Variants in ATXN7L1 observed in about 807,000 individuals in gnomAD.
ATXN7L1 encodes ataxin 7 like 1.
ATXN7L1 carries 15 observed loss-of-function variants against 70.8 expected under a neutral mutation model. That is an observed-to-expected ratio of 0.21 (90% CI 0.14 to 0.33). ATXN7L1 has a LOEUF of 0.33. Among genes scored for constraint, ATXN7L1 ranks in the 10% least tolerant of loss-of-function variants. ATXN7L1 has a pLI of 1.00. For missense variants in ATXN7L1, 975 were observed against 1,097.1 expected (o/e 0.89, Z 1.57); for synonymous variants, 440 against 445.1 (o/e 0.99, Z 0.14).
chr7:105,640,652 G>A (rs1268750742), intron 5 of ATXN7L1, among the ~76,000 whole-genome samples: 3 of 152,226 alleles, frequency 2.0e-5, no homozygotes, highest in African/African-American at 2.4e-5. Context: ...AACCTCCTGA[G>A]TAGCTGGAAC....
At chr7:105,850,958 C>T (rs117719336) in intron 2 of ATXN7L1, among the ~76,000 whole-genome samples, 2,822 of 152,206 alleles carry the variant, frequency 0.019, 36 homozygotes, top group South Asian at 0.03. Context: ...CCTGCTGCCC[C>T]GCTTCCTTAT....
chr7:105,856,388 C>T (rs1815727061), intron 2 of ATXN7L1, among the ~76,000 whole-genome samples: 1 of 152,080 alleles, frequency 6.6e-6, no homozygotes, highest in African/African-American at 2.4e-5. Context: ...GAGTTCAAGA[C>T]CAGCCTGGCC....
chr7:105,644,399 C>T (rs534545845), intron 4 of ATXN7L1, among the ~76,000 whole-genome samples: 2 of 152,268 alleles, frequency 1.3e-5, no homozygotes, highest in Admixed American at 6.5e-5. Flanking sequence ...TGGACATTAC[C>T]GACTTCTCCC....
At chr7:105,744,573 C>G (rs1040953837) in intron 3 of ATXN7L1, among the ~76,000 whole-genome samples, 2 of 152,004 alleles carry the variant, frequency 1.3e-5, no homozygotes. Context: ...AAAAAGCCTT[C>G]CACCCACAAA....
Position 105,614,876 on chromosome 7 carries a change from A to T in ATXN7L1, c.1518-60T>A, listed in dbSNP as rs1234799612. 1.3e-6 allele frequency: 2 copies of T among 1,497,728 alleles called. No individual in the cohort carries two copies. The highest frequency in any genetic ancestry group is 4.9e-5 in the East Asian group (2 of 40,438). 92.8% of individuals were successfully genotyped at this position (1,497,728 alleles called of 1,614,324 possible). The stretch of plus-strand genomic sequence containing the variant: ...AGACATCGGGTTGGCATTGCTCAGG[A>T]GGCTCGATGACGTTTGAGGATCAGG... On this transcript the variant is annotated intron_variant, in intron 9 of 11. Coordinates refer to ENST00000419735, the MANE Select transcript of ATXN7L1 (RefSeq NM_020725.2). This position sits in a 1 kb window ranked among gnomAD's most constrained non-coding sequence, Gnocchi z 4.3.
At chr7:105,733,724 A>G (rs1796983972) in intron 3 of ATXN7L1, among the ~76,000 whole-genome samples, 1 of 137,556 alleles carries the variant, frequency 7.3e-6, no homozygotes, top group African/African-American at 2.7e-5. Flanking sequence ...CCATCCATCC[A>G]TCCTTCCATC....
rs572529579 is a variant in ATXN7L1, at chr7:105,843,446, C to G, written c.250+32366G>C. ...AGATCCATCTAGGAAGCTAAGTGAG[C>G]GGATGGCCCCAAATGCCAGCCAATG... is the stretch of plus-strand genomic sequence containing the variant. On this transcript the variant is annotated intron_variant, in intron 2 of 11. Transcript: ENST00000419735. Among the ~76,000 whole-genome samples the G allele has an allele frequency of 5.3e-5, 8 of 152,342 alleles. No individual in the cohort carries two copies. The South Asian group carries it at 1.2e-3, about 24-fold the overall frequency.
At position 105,706,940 on chromosome 7, in the gene ATXN7L1, T is replaced by C. The variant is rs568869592; in HGVS notation, c.356-41652A>G. On this transcript the variant is annotated intron_variant, in intron 3 of 11. Coordinates refer to ENST00000419735, the MANE Select transcript of ATXN7L1 (RefSeq NM_020725.2). ...ATGCCATTGTACAATGGCAAATAGT[T>C]AGGTTTTCTTTGTGCTTTTATCAGT... Among the ~76,000 whole-genome samples, 11 of 152,294 alleles carry C rather than the reference T, an allele frequency of 7.2e-5. No individual in the cohort carries two copies. In the South Asian group the frequency reaches 2.3e-3, roughly 32 times the overall value.
In ATXN7L1 at chr7:105,744,345, C is replaced by T. The variant is rs527279937; in HGVS notation, c.355+44259G>A. Among the ~76,000 whole-genome samples, 13 of 152,254 alleles carry T rather than the reference C, an allele frequency of 8.5e-5. No individual in the cohort carries two copies. In the East Asian group the frequency reaches 1.3e-3, roughly 16 times the overall value. ...CTAAATGGTTGTGGGAGACTAAATC[C>T]GCTAGGGAGAGAGTCCCTTATCTTG... On this transcript the variant is annotated intron_variant, in intron 3 of 11. Coordinates refer to ENST00000419735, the MANE Select transcript of ATXN7L1 (RefSeq NM_020725.2).
intron 3 of ATXN7L1, among the ~76,000 whole-genome samples, chr7:105,699,687 G>C (rs935121223): frequency 2.6e-5 from 4 of 152,124 alleles, no homozygotes; most frequent in African/African-American, 9.7e-5. Context: ...AAAAAGCACT[G>C]TGATCTCTTG....
chr7:105,718,694 G>T (rs1477027446), intron 3 of ATXN7L1, among the ~76,000 whole-genome samples: 2 of 152,228 alleles, frequency 1.3e-5, no homozygotes, highest in East Asian at 3.8e-4. Flanking sequence ...AACCACCTTC[G>T]GCTTGGGGCC....
chr7:105,709,069 C>T (rs539326101), intron 3 of ATXN7L1, among the ~76,000 whole-genome samples: 4 of 139,500 alleles, frequency 2.9e-5, no homozygotes, highest in African/African-American at 1.2e-4. Context: ...CGTATTGGCT[C>T]ATACCTGTAA....
At chr7:105,644,915 A>T (rs1798763313) in intron 4 of ATXN7L1, among the ~76,000 whole-genome samples, 1 of 152,280 alleles carries the variant, frequency 6.6e-6, no homozygotes, top group Admixed American at 6.5e-5. Flanking sequence ...ATGTAGCATC[A>T]TTCAGCTTTA....
rs67884616 is a variant in ATXN7L1, at chr7:105,771,201, GATAATAATA to G, written c.355+17394_355+17402del. On this transcript the variant is annotated intron_variant, in intron 3 of 11. Coordinates refer to ENST00000419735, the MANE Select transcript of ATXN7L1 (RefSeq NM_020725.2). ...GGCGACAGAGCAAGACTCCGTCTCTGATAATAATAATAATAATAATAATAATAATAATAA... is the reference window on the plus strand; with the variant it reads ...GGCGACAGAGCAAGACTCCGTCTCTGATAATAATAATAATAATAATAATAA... Among the ~76,000 whole-genome samples, 584 of 139,240 alleles carry G rather than the reference GATAATAATA, an allele frequency of 4.2e-3. 1 individual carries two copies. Among genetic ancestry groups the G allele is most frequent in the Non-Finnish European group, 6.4e-3 (417 of 65,242 alleles). 91.3% of individuals were successfully genotyped at this position (139,240 alleles called of 152,430 possible). A position where few individuals can be genotyped will look rare whatever the true frequency, so the allele number is the denominator to read the frequency against.
chr7:105,859,350 G>A (rs1356856687), intron 2 of ATXN7L1, among the ~76,000 whole-genome samples: 2 of 151,986 alleles, frequency 1.3e-5, no homozygotes, highest in Non-Finnish European at 2.9e-5. Flanking sequence ...GTGAAGTGTC[G>A]TGATGTCTAT....
chr7:105,697,139 C>T (rs995091638), intron 3 of ATXN7L1, among the ~76,000 whole-genome samples: 1 of 152,158 alleles, frequency 6.6e-6, no homozygotes, highest in Non-Finnish European at 1.5e-5. Flanking sequence ...AATGAAGTTT[C>T]GGGCACTATT....
chr7:105,807,037 G>C (rs1312371347), intron 2 of ATXN7L1, among the ~76,000 whole-genome samples: 1 of 152,220 alleles, frequency 6.6e-6, no homozygotes, highest in South Asian at 2.1e-4. Context: ...TCCTGGGCCA[G>C]GGCACGCTGC....
chr7:105,860,132 T>A (rs1242094545), intron 2 of ATXN7L1, among the ~76,000 whole-genome samples: 28 of 73,158 alleles, frequency 3.8e-4, no homozygotes, highest in Non-Finnish European at 7.6e-4. Flanking sequence ...TATGTAAATA[T>A]ATATATATAT....
chr7:105,769,049 G>A (rs533458320), intron 3 of ATXN7L1, among the ~76,000 whole-genome samples: 2 of 152,184 alleles, frequency 1.3e-5, no homozygotes, highest in African/African-American at 4.8e-5. Context: ...CCTATCACTT[G>A]TGTGGCCTCA....
Sources: allele counts gnomAD v4.1 joint callset (sites outside exome capture counted in the v4.1 genomes callset), GRCh38; gene constraint gnomAD v4.1.1; non-coding constraint Gnocchi (gnomAD v3.1); transcripts MANE v1.5; gene names NCBI Gene and HGNC (gene_info 2026-07-23, HGNC 2026-07-21).